The following MRPS31 variants were observed in gnomAD, a reference collection of about 807,000 sequenced individuals.
The protein encoded by MRPS31 is small ribosomal subunit protein mS31.
MRPS31 carries 32 observed loss-of-function variants against 43.1 expected under a neutral mutation model. That is an observed-to-expected ratio of 0.74 (90% CI 0.56 to 1.00). The LOEUF (loss-of-function observed/expected upper bound fraction) is 1.00, where lower values mean the gene tolerates loss of function less well. Ranked by LOEUF, MRPS31 falls within the 50% of genes least tolerant of loss-of-function variation. The probability of loss-of-function intolerance (pLI) is 0.00; values close to 1 mark genes in which losing one functional copy is unlikely to be tolerated. For missense variants in MRPS31, 437 were observed against 466.7 expected (o/e 0.94, Z 0.59); for synonymous variants, 165 against 161.6 (o/e 1.02, Z -0.16).
At position 40,741,686 on chromosome 13, in the gene MRPS31, C is replaced by T. The variant is rs75147529; in HGVS notation, c.958+7452G>A. ...GTATTTATTGCCATTGAAAATATACCTATTCTGAATTGTACTCAAACATGT... is the reference window on the plus strand; with the variant it reads ...GTATTTATTGCCATTGAAAATATACTTATTCTGAATTGTACTCAAACATGT... On this transcript the variant is annotated intron_variant, in intron 6 of 6. Transcript: ENST00000323563. Among the ~76,000 whole-genome samples the T allele has an allele frequency of 1.4e-3, 208 of 152,100 alleles. 2 individuals are homozygous for T. The East Asian group carries it at 0.035, about 26-fold the overall frequency.
At chr13:40,753,778 T>C in intron 5 of MRPS31, among the ~76,000 whole-genome samples, 1 of 152,240 alleles carries the variant, frequency 6.6e-6, no homozygotes, top group East Asian at 1.9e-4. Flanking sequence ...TAAGTTCTAG[T>C]AAACTCATCT....
At chr13:40,731,794 T>C (rs915266375) in intron 6 of MRPS31, among the ~76,000 whole-genome samples, 2 of 152,106 alleles carry the variant, frequency 1.3e-5, no homozygotes, top group African/African-American at 4.8e-5. Context: ...AAAAGGACGG[T>C]TAATGTTATC....
chr13:40,749,554 G>A (rs1299970746), intron 5 of MRPS31: 1 of 218,392 alleles, frequency 4.6e-6, no homozygotes, highest in East Asian at 9.5e-5. Flanking sequence ...TTTTGTTTAA[G>A]GGTATTTTTA....
intron 6 of MRPS31, among the ~76,000 whole-genome samples, chr13:40,745,176 C>T (rs1475564011): frequency 6.6e-6 from 1 of 152,128 alleles, no homozygotes; most frequent in African/African-American, 2.4e-5. Flanking sequence ...CCCACCTCGG[C>T]CTCCTAAAGT....
chr13:40,742,015 G>A (rs1019314803), intron 6 of MRPS31, among the ~76,000 whole-genome samples: 1 of 151,738 alleles, frequency 6.6e-6, no homozygotes, highest in Non-Finnish European at 1.5e-5. Context: ...ATTTAATGTC[G>A]AGTGAGAGGA....
intron 5 of MRPS31, chr13:40,752,532 TAC>T (rs1880419944): frequency 6.6e-6 from 1 of 152,172 alleles, no homozygotes; most frequent in Non-Finnish European, 1.5e-5. Flanking sequence ...TATTTTACAG[TAC>T]AGTTTGTTCA....
intron 6 of MRPS31, among the ~76,000 whole-genome samples, chr13:40,736,213 G>A (rs1343855867): frequency 6.6e-6 from 1 of 151,930 alleles, no homozygotes; most frequent in Non-Finnish European, 1.5e-5. Context: ...AAATGAAGCA[G>A]GAAGGAAAGT....
rs1020760642 is a variant in MRPS31 at position 40,766,976 on chromosome 13, T to C, written c.210A>G (p.Lys70=). The C allele has an allele frequency of 3.1e-6, 5 of 1,614,016 alleles. No homozygotes were observed. The highest frequency in any genetic ancestry group is 2.5e-6 in the Non-Finnish European group (3 of 1,180,016). Reference sequence around the variant, plus strand: ...CCTCAGTTCGAACAGACTGCTTATCTTTCTTGCTACAGATCACACTGTTAG... The same window carrying C: ...CCTCAGTTCGAACAGACTGCTTATCCTTCTTGCTACAGATCACACTGTTAG... The part of the protein sequence containing the change: ...FGTNSVICSK[K]DKQSVRTEET... Residue 70 remains lysine (K), a synonymous_variant, in exon 2 of 7, where the codon AAA becomes AAG. Coordinates refer to ENST00000323563, the MANE Select transcript of MRPS31 (RefSeq NM_005830.4).
intron 6 of MRPS31, among the ~76,000 whole-genome samples, chr13:40,733,418 T>C (rs1157167757): frequency 1.3e-5 from 2 of 152,102 alleles, no homozygotes; most frequent in Non-Finnish European, 2.9e-5. Context: ...AAGAAAAAGA[T>C]TGGGAGGCCG....
chr13:40,737,721 G>C (rs935262780), intron 6 of MRPS31, among the ~76,000 whole-genome samples: 107 of 152,030 alleles, frequency 7.0e-4, no homozygotes, highest in Non-Finnish European at 1.6e-4. Context: ...CAGAAATAAA[G>C]ATGTTCTTTG....
chr13:40,737,885 A>G (rs2137996177), intron 6 of MRPS31, among the ~76,000 whole-genome samples: 1 of 152,070 alleles, frequency 6.6e-6, no homozygotes, highest in Non-Finnish European at 1.5e-5. Flanking sequence ...GAACTAGAAA[A>G]GCAAGAGCAA....
At chr13:40,769,627 A>G (rs966891440) in intron 1 of MRPS31, among the ~76,000 whole-genome samples, 1 of 151,900 alleles carries the variant, frequency 6.6e-6, no homozygotes, top group Non-Finnish European at 1.5e-5. Context: ...CTCTCATTAT[A>G]ATATTCAATA....
At chr13:40,753,002 C>T (rs12585814) in intron 5 of MRPS31, among the ~76,000 whole-genome samples, 6,849 of 152,250 alleles carry the variant, frequency 0.045, 316 homozygotes, top group East Asian at 0.14. Flanking sequence ...CCCAAGTCCA[C>T]ATACAACATT....
intron 1 of MRPS31, among the ~76,000 whole-genome samples, chr13:40,769,801 A>G (rs1301685146): frequency 1.3e-5 from 2 of 152,166 alleles, no homozygotes; most frequent in Non-Finnish European, 2.9e-5. Context: ...AACAATCTAC[A>G]TTATAGGAAA....
intron 5 of MRPS31, among the ~76,000 whole-genome samples, chr13:40,751,638 A>G (rs561821113): frequency 8.5e-4 from 130 of 152,356 alleles, no homozygotes; most frequent in African/African-American, 2.9e-3. Context: ...CAATAAAAAA[A>G]TTACTGAATG....
intron 6 of MRPS31, among the ~76,000 whole-genome samples, chr13:40,744,520 C>A (rs1361042792): frequency 6.6e-6 from 1 of 152,160 alleles, no homozygotes; most frequent in Non-Finnish European, 1.5e-5. Flanking sequence ...CTTATATGTT[C>A]TTTGGTAAGG....
chr13:40,738,631 A>C (rs1294881126), intron 6 of MRPS31, among the ~76,000 whole-genome samples: 1 of 152,216 alleles, frequency 6.6e-6, no homozygotes, highest in Non-Finnish European at 1.5e-5. Context: ...AGGCTGGTTC[A>C]ATATACGCAA....
At chr13:40,743,303 G>C (rs957631605) in intron 6 of MRPS31, among the ~76,000 whole-genome samples, 1 of 143,916 alleles carries the variant, frequency 6.9e-6, no homozygotes, top group African/African-American at 2.6e-5. Context: ...CAACAAGAGC[G>C]AAAACTCTGT....
In MRPS31 at chr13:40,729,449, C is replaced by T; in HGVS notation, c.1111G>A (p.Glu371Lys). ...NPYLSVKQKV[E>K]HIEWFRNYFN... ...TAATTTCTAAACCACTCTATGTGTT[C>T]AACCTTCTGTTTAACACTAAGATAT... The change falls in exon 7 of 7, where the codon GAA becomes AAA. Residue 371 changes from glutamate (E) to lysine (K), a missense_variant. Transcript: ENST00000323563. 1 of 1,602,560 alleles carries T rather than the reference C, an allele frequency of 6.2e-7. No homozygotes were observed. The highest frequency in any genetic ancestry group is 8.5e-7 in the Non-Finnish European group (1 of 1,169,778).
Sources: allele counts gnomAD v4.1 joint callset (sites outside exome capture counted in the v4.1 genomes callset), GRCh38; gene constraint gnomAD v4.1.1; transcripts MANE v1.5; gene names NCBI Gene and HGNC (gene_info 2026-07-23, HGNC 2026-07-21).